SLC35F2: variants seen among roughly 807,000 people sequenced by gnomAD.
The protein encoded by SLC35F2 is solute carrier family 35 member F2.
Under a neutral mutation model 38.1 loss-of-function variants are expected in SLC35F2, and 25 were observed. That is an observed-to-expected ratio of 0.66 (90% CI 0.48 to 0.92). SLC35F2 has a LOEUF of 0.92. Among genes scored for constraint, SLC35F2 ranks in the 40% least tolerant of loss-of-function variants. SLC35F2 has a pLI of 0.00. For missense variants in SLC35F2, 409 were observed against 452.9 expected (o/e 0.90, Z 0.88); for synonymous variants, 173 against 181.7 (o/e 0.95, Z 0.38).
intron 7 of SLC35F2, among the ~76,000 whole-genome samples, chr11:107,794,368 C>T (rs1262651809): frequency 6.6e-6 from 1 of 152,142 alleles, no homozygotes; most frequent in African/African-American, 2.4e-5. Context: ...CGTGAGCTAC[C>T]ACGCCTGGCC....
chr11:107,822,574 C>G (rs1009406028), intron 1 of SLC35F2, among the ~76,000 whole-genome samples: 2 of 152,124 alleles, frequency 1.3e-5, no homozygotes, highest in Non-Finnish European at 2.9e-5. Context: ...CCACAACCCT[C>G]CATCACAGTA....
intron 7 of SLC35F2, among the ~76,000 whole-genome samples, chr11:107,797,198 T>A (rs76597929): frequency 0.057 from 8,672 of 152,246 alleles, 296 homozygotes; most frequent in East Asian, 0.15. Flanking sequence ...GAACGGGGCA[T>A]TCTATTTTAT....
At chr11:107,844,832 C>A (rs1183487074) in intron 1 of SLC35F2, among the ~76,000 whole-genome samples, 1 of 151,124 alleles carries the variant, frequency 6.6e-6, no homozygotes, top group Non-Finnish European at 1.5e-5. Flanking sequence ...AAAAATTAGC[C>A]AGGCGTGGTG....
intron 1 of SLC35F2, among the ~76,000 whole-genome samples, chr11:107,841,558 CAAAAAAAA>C (rs59699944): frequency 1.0e-5 from 1 of 95,518 alleles, no homozygotes. Context: ...GACTCCAACT[CAAAAAAAA>C]AAAAAAAAAA....
At chr11:107,839,852 C>G (rs1859988584) in intron 1 of SLC35F2, among the ~76,000 whole-genome samples, 2 of 152,160 alleles carry the variant, frequency 1.3e-5, no homozygotes, top group African/African-American at 4.8e-5. Context: ...GGGGTTTCTG[C>G]ATGTTAGTCA....
At position 107,804,797 on chromosome 11, in the gene SLC35F2, G is replaced by A. The variant is rs1485075814; in HGVS notation, c.732-27C>T. ...TAAGATTAAAACAAGAGGTCACAGAGAGGTCCACATACTAATTTTCACTAT... is the reference window on the plus strand; with the variant it reads ...TAAGATTAAAACAAGAGGTCACAGAAAGGTCCACATACTAATTTTCACTAT... On this transcript the variant is annotated intron_variant, in intron 5 of 7. Transcript: ENST00000525815. The A allele has an allele frequency of 2.5e-6, 4 of 1,569,656 alleles. No homozygotes were observed. The African/African-American group carries it at 5.4e-5, about 21-fold the overall frequency.
At chr11:107,824,583 TAGC>T (rs1434985391) in intron 1 of SLC35F2, among the ~76,000 whole-genome samples, 3 of 152,238 alleles carry the variant, frequency 2.0e-5, no homozygotes, top group Non-Finnish European at 4.4e-5. Context: ...CTTCTGAACA[TAGC>T]AGAAAGAATC....
intron 1 of SLC35F2, among the ~76,000 whole-genome samples, chr11:107,829,677 C>CAAAAAAA (rs59625402): frequency 3.4e-5 from 3 of 87,306 alleles, no homozygotes; most frequent in African/African-American, 3.6e-5. Flanking sequence ...TGAAATCTCA[C>CAAAAAAA]AAAAAAAAAA....
chr11:107,818,151 G>T, intron 1 of SLC35F2, among the ~76,000 whole-genome samples: 1 of 150,354 alleles, frequency 6.7e-6, no homozygotes, highest in Admixed American at 6.6e-5. Context: ...ACAATTGTCA[G>T]CTGGGCATAG....
intron 7 of SLC35F2, among the ~76,000 whole-genome samples, chr11:107,797,042 A>G (rs1280442345): frequency 6.6e-6 from 1 of 152,206 alleles, no homozygotes; most frequent in African/African-American, 2.4e-5. Flanking sequence ...GTTTGACAGC[A>G]GAGTAGGTTG....
At position 107,823,230 on chromosome 11, in the gene SLC35F2, C is replaced by T. The variant is rs575628230; in HGVS notation, c.111-7265G>A. On this transcript the variant is annotated intron_variant, in intron 1 of 7. Transcript: ENST00000525815. Reference sequence around the variant, plus strand: ...AGATGAGTCTAAGACATGATCAGGACGGCAAACCACTAAATTATTCTTTTC... The same window carrying T: ...AGATGAGTCTAAGACATGATCAGGATGGCAAACCACTAAATTATTCTTTTC... 63 of 984,794 alleles carry T rather than the reference C, an allele frequency of 6.4e-5. No individual in the cohort carries two copies. In the South Asian group the frequency reaches 7.5e-4, roughly 12 times the overall value. 61.0% of individuals were successfully genotyped at this position (984,794 alleles called of 1,614,324 possible).
At chr11:107,846,795 T>C (rs985106157) in intron 1 of SLC35F2, among the ~76,000 whole-genome samples, 5 of 151,976 alleles carry the variant, frequency 3.3e-5, no homozygotes, top group African/African-American at 1.2e-4. Flanking sequence ...GCTGGCATGG[T>C]GGCGGGCGCC....
intron 1 of SLC35F2, among the ~76,000 whole-genome samples, chr11:107,841,686 G>T (rs1860014292): frequency 6.6e-6 from 1 of 151,710 alleles, no homozygotes; most frequent in African/African-American, 2.4e-5. Flanking sequence ...AAATTTTAAA[G>T]CCTGGCCGGG....
At chr11:107,804,586 T>G in intron 6 of SLC35F2, 132 bp downstream of exon 6, 1 of 634,148 alleles carries the variant, frequency 1.6e-6, no homozygotes, top group South Asian at 2.4e-5. Context: ...TAAACCACTA[T>G]AGTTGATATG....
At chr11:107,853,490 G>A (rs552650264) in intron 1 of SLC35F2, among the ~76,000 whole-genome samples, 180 of 151,934 alleles carry the variant, frequency 1.2e-3, no homozygotes, top group Middle Eastern at 3.4e-3. Context: ...AGGCAGAGGC[G>A]GGAGGATCAT....
In SLC35F2 at chr11:107,847,694, C is replaced by A. The variant is rs12273447; in HGVS notation, c.110+10964G>T. Among the ~76,000 whole-genome samples the A allele has an allele frequency of 5.1e-3, 777 of 152,288 alleles. 8 individuals carry two copies. Among genetic ancestry groups the A allele is most frequent in the African/African-American group, 0.017 (724 of 41,546 alleles). On this transcript the variant is annotated intron_variant, in intron 1 of 7. Transcript: ENST00000525815. ...AACAGGTACACAGAGGGGCACCCAA[C>A]TGAAAATGTGTGTCAGGAGGGACAG...
At chr11:107,854,764 A>T (rs1447188174) in intron 1 of SLC35F2, among the ~76,000 whole-genome samples, 1 of 152,192 alleles carries the variant, frequency 6.6e-6, no homozygotes, top group African/African-American at 2.4e-5. Flanking sequence ...AACAAGCTCT[A>T]TGCCCCAATC....
chr11:107,856,293 T>C (rs906651730), intron 1 of SLC35F2, among the ~76,000 whole-genome samples: 5 of 152,088 alleles, frequency 3.3e-5, no homozygotes, highest in African/African-American at 1.2e-4. Flanking sequence ...AACTAACCCA[T>C]ATAGAGCACT....
chr11:107,807,762 A>T (rs1859421575), intron 3 of SLC35F2, among the ~76,000 whole-genome samples: 1 of 151,974 alleles, frequency 6.6e-6, no homozygotes, highest in Middle Eastern at 3.4e-3. Context: ...TTTAGTAGAG[A>T]TGGGGTTTTG....
Sources: gnomAD v4.1 joint callset for allele counts (sites outside exome capture counted in the v4.1 genomes callset) on GRCh38, gnomAD v4.1.1 for gene constraint, MANE v1.5 for transcripts, NCBI Gene and HGNC (gene_info 2026-07-23, HGNC 2026-07-21) for gene names.